Variants in KATNBL1 observed in about 807,000 individuals in gnomAD.
KATNBL1 encodes katanin regulatory subunit B1 like 1.
In KATNBL1, 28 loss-of-function variants were observed where a neutral mutation model predicts 44.7. That is an observed-to-expected ratio of 0.63 (90% confidence interval 0.46 to 0.86). The LOEUF is 0.86. Among genes scored for constraint, KATNBL1 ranks in the 40% least tolerant of loss-of-function variants. The pLI is 0.00. For synonymous variants in KATNBL1, 78 were observed against 114.9 expected, an observed-to-expected ratio of 0.68 and a Z score of 2.06; for missense variants, 272 against 350.7, an observed-to-expected ratio of 0.78 and a Z score of 1.79.
chr15:34,184,172 G>A (rs1889648267), intron 1 of KATNBL1, among the ~76,000 whole-genome samples: 1 of 152,112 alleles, frequency 6.6e-6, no homozygotes, highest in South Asian at 2.1e-4. Flanking sequence ...CAGGCGTGGT[G>A]GCGGGCGCCT....
chr15:34,166,652 C>T (rs1026301612), intron 1 of KATNBL1, among the ~76,000 whole-genome samples: 1 of 152,212 alleles, frequency 6.6e-6, no homozygotes, highest in African/African-American at 2.4e-5. Context: ...GTCCTTGACC[C>T]CTGTGTAGCC....
chr15:34,157,585 A>T (rs1427903344), intron 2 of KATNBL1, among the ~76,000 whole-genome samples: 1 of 152,186 alleles, frequency 6.6e-6, no homozygotes, highest in Non-Finnish European at 1.5e-5. Flanking sequence ...CGAACATGGG[A>T]ATGTCAGCAG....
intron 4 of KATNBL1, among the ~76,000 whole-genome samples, chr15:34,150,685 T>C (rs1888442488): frequency 6.6e-6 from 1 of 152,214 alleles, no homozygotes; most frequent in African/African-American, 2.4e-5. Context: ...GGGGGTTTGG[T>C]GTACAGATTA....
intron 1 of KATNBL1, chr15:34,209,258 A>C (rs1033045881): frequency 6.6e-6 from 1 of 152,204 alleles, no homozygotes; most frequent in African/African-American, 2.4e-5. Context: ...TGATTATTAC[A>C]CACCTAATTT....
At chr15:34,169,576 C>G (rs1431899258) in intron 1 of KATNBL1, among the ~76,000 whole-genome samples, 4 of 152,180 alleles carry the variant, frequency 2.6e-5, no homozygotes, top group Non-Finnish European at 4.4e-5. Flanking sequence ...GGAATCCTCC[C>G]TAACTCATTT....
chr15:34,201,545 C>T (rs896725362), intron 1 of KATNBL1, among the ~76,000 whole-genome samples: 1 of 152,110 alleles, frequency 6.6e-6, no homozygotes, highest in East Asian at 1.9e-4. Flanking sequence ...TACATATTTT[C>T]TTAAATGGCT....
intron 7 of KATNBL1, 97 bp downstream of exon 7, chr15:34,147,103 G>T: frequency 1.4e-6 from 1 of 724,284 alleles, no homozygotes; most frequent in Non-Finnish European, 2.4e-6. Context: ...CAGAAACCTT[G>T]CATGTCTCAT....
intron 1 of KATNBL1, among the ~76,000 whole-genome samples, chr15:34,173,720 A>G (rs967352549): frequency 6.6e-6 from 1 of 152,200 alleles, no homozygotes; most frequent in African/African-American, 2.4e-5. Context: ...AATGAAATTA[A>G]TTTATAATAA....
At chr15:34,197,929 G>T (rs1445412859) in intron 1 of KATNBL1, among the ~76,000 whole-genome samples, 1 of 151,932 alleles carries the variant, frequency 6.6e-6, no homozygotes, top group South Asian at 2.1e-4. Flanking sequence ...TTTATTTTTA[G>T]TAGAGACAGG....
chr15:34,152,111 T>C (rs1888498691), intron 4 of KATNBL1, among the ~76,000 whole-genome samples: 1 of 152,054 alleles, frequency 6.6e-6, no homozygotes, highest in Admixed American at 6.6e-5. Context: ...CGGCTCATTT[T>C]TGTACTTTTG....
At chr15:34,184,435 G>A (rs567846260) in intron 1 of KATNBL1, among the ~76,000 whole-genome samples, 21 of 149,850 alleles carry the variant, frequency 1.4e-4, no homozygotes, top group South Asian at 2.1e-4. Context: ...ACAGTGAACC[G>A]AGATTGCGCC....
intron 1 of KATNBL1, among the ~76,000 whole-genome samples, chr15:34,183,088 T>G (rs1425604638): frequency 6.6e-6 from 1 of 152,222 alleles, no homozygotes; most frequent in Admixed American, 6.5e-5. Flanking sequence ...TTCTTTTGTC[T>G]CCAGGAAACT....
At chr15:34,143,277 C>T (rs2140892144) in intron 9 of KATNBL1, among the ~76,000 whole-genome samples, 1 of 151,792 alleles carries the variant, frequency 6.6e-6, no homozygotes, top group African/African-American at 2.4e-5. Flanking sequence ...GAGTTCGAAA[C>T]CAGCCTGGCC....
chr15:34,197,956 C>T (rs953953720), intron 1 of KATNBL1, among the ~76,000 whole-genome samples: 1 of 152,114 alleles, frequency 6.6e-6, no homozygotes, highest in Admixed American at 6.6e-5. Context: ...CCATGTTAGC[C>T]AGGCTGGTCT....
rs181954792 is a variant in KATNBL1, at chr15:34,146,601, T to C, written c.788+160A>G. On this transcript the variant is annotated intron_variant, in intron 8 of 9. Transcript: ENST00000256544. Reference sequence around the variant, plus strand: ...TCTGGAATTCAATTTCCAGGTGTGGTTTTCACAAATGAACAGTCTCTTAAG... The same window carrying C: ...TCTGGAATTCAATTTCCAGGTGTGGCTTTCACAAATGAACAGTCTCTTAAG... 3.9e-3 allele frequency: 2,173 copies of C among 553,474 alleles called. 15 individuals carry two copies. Among genetic ancestry groups the C allele is most frequent in the Middle Eastern group, 6.5e-3 (13 of 1,992 alleles). The allele number at this position is 553,474 out of a possible 1,614,324, so 34.3% of individuals were successfully genotyped here. A position where few individuals can be genotyped will look rare whatever the true frequency, so the allele number is the denominator to read the frequency against.
At position 34,181,807 on chromosome 15, in the gene KATNBL1, CATATAT is replaced by C. The variant is rs1443636714; in HGVS notation, c.-14-18123_-14-18118del. 1.4e-4 allele frequency among the ~76,000 whole-genome samples: 9 copies of C among 65,538 alleles called. 2 individuals are homozygous for C. Among genetic ancestry groups the C allele is most frequent in the Admixed American group, 4.2e-4 (3 of 7,090 alleles). 43.0% of individuals were successfully genotyped at this position (65,538 alleles called of 152,430 possible). On this transcript the variant is annotated intron_variant, in intron 1 of 9. Transcript: ENST00000256544. ...GTCCATATATATATCCATATATATA[CATATAT>C]ACATGTCCATATATATCCATATATA...
intron 2 of KATNBL1, among the ~76,000 whole-genome samples, chr15:34,158,502 CTT>C (rs1888705122): frequency 6.6e-6 from 1 of 152,196 alleles, no homozygotes. Context: ...AGAGATATCT[CTT>C]TGATGTCCTG....
At chr15:34,203,420 A>G (rs1890218161) in intron 1 of KATNBL1, among the ~76,000 whole-genome samples, 1 of 152,196 alleles carries the variant, frequency 6.6e-6, no homozygotes, top group African/African-American at 2.4e-5. Context: ...CTGTCCTTCA[A>G]CATTTCAAAC....
At chr15:34,177,539 G>A (rs1889371562) in intron 1 of KATNBL1, among the ~76,000 whole-genome samples, 2 of 150,692 alleles carry the variant, frequency 1.3e-5, no homozygotes, top group South Asian at 4.2e-4. Context: ...AGCTACTTGG[G>A]AGGCTGAGGC....
Sources: allele counts gnomAD v4.1 joint callset (sites outside exome capture counted in the v4.1 genomes callset), GRCh38; gene constraint gnomAD v4.1.1; transcripts MANE v1.5; gene names NCBI Gene and HGNC (gene_info 2026-07-23, HGNC 2026-07-21).